Variants in AP2A2 observed in about 807,000 individuals in gnomAD.
AP2A2 encodes the protein adaptor related protein complex 2 subunit alpha 2.
A neutral mutation model predicts 104.2 loss-of-function variants in AP2A2; 32 were observed. The observed-to-expected ratio is 0.31, with a 90% confidence interval of 0.23 to 0.41. AP2A2 has a LOEUF of 0.41. AP2A2 is among the 10% of genes least tolerant of loss of function. The probability of loss-of-function intolerance (pLI) is 1.00; values close to 1 mark genes in which losing one functional copy is unlikely to be tolerated. For synonymous variants in AP2A2, 539 were observed against 533.3 expected, an observed-to-expected ratio of 1.01 and a Z score of -0.15; for missense variants, 912 against 1,261.0, an observed-to-expected ratio of 0.72 and a Z score of 4.19.
intron 4 of AP2A2, among the ~76,000 whole-genome samples, chr11:976,718 A>T (rs1440754618): frequency 6.6e-6 from 1 of 152,142 alleles, no homozygotes; most frequent in Admixed American, 6.6e-5. Context: ...GCAGGGGAAG[A>T]TCATCAAGCA....
intron 21 of AP2A2, chr11:1,010,211 G>C (rs1590027443): frequency 4.1e-6 from 2 of 492,856 alleles, no homozygotes; most frequent in African/African-American, 3.8e-5. Flanking sequence ...TTCTGGCGAC[G>C]GACACCTGTC....
chr11:977,050 C>G (rs1855067569), intron 4 of AP2A2, 45 bp from the exon 5 acceptor site: 2 of 1,611,014 alleles, frequency 1.2e-6, no homozygotes, highest in East Asian at 2.2e-5. Flanking sequence ...CAGCTCTGCG[C>G]TGTCTTCAGC....
At position 993,600 on chromosome 11, in the gene AP2A2, C is replaced by T. The variant is rs1048258886; in HGVS notation, c.1551-154C>T. 1.3e-5 allele frequency among the ~76,000 whole-genome samples: 2 copies of T among 151,968 alleles called. No homozygotes were observed. Among genetic ancestry groups the T allele is most frequent in the South Asian group, 2.1e-4 (1 of 4,806 alleles). ...TTGATGGCTGACTTAGTGAAAGGGG[C>T]GTCTTTGCGGTGGGATCTGGAGCTG... On this transcript the variant is annotated intron_variant, in intron 12 of 21. Transcript: ENST00000448903. The surrounding 1 kb of genome is among the most constrained non-coding windows in gnomAD (Gnocchi z 8.2).
In AP2A2 at chr11:968,220, G is replaced by T. The variant is rs553615002; in HGVS notation, c.137-1949G>T. Among the ~76,000 whole-genome samples, 3 of 152,234 alleles carry T rather than the reference G, an allele frequency of 2.0e-5. No homozygotes were observed. Among genetic ancestry groups the T allele is most frequent in the Non-Finnish European group, 2.9e-5 (2 of 68,048 alleles). On this transcript the variant is annotated intron_variant, in intron 2 of 21. Coordinates refer to ENST00000448903, the MANE Select transcript of AP2A2 (RefSeq NM_012305.4). The surrounding 1 kb of genome is among the most constrained non-coding windows in gnomAD (Gnocchi z 4.2). ...CCCTCACGGTGCTTATGCAACAGGGGTGGTGTGCCCAGGGGAGTGCTCTGT... is the reference window on the plus strand; with the variant it reads ...CCCTCACGGTGCTTATGCAACAGGGTTGGTGTGCCCAGGGGAGTGCTCTGT...
At chr11:973,362 T>C (rs1371486802) in intron 4 of AP2A2, among the ~76,000 whole-genome samples, 1 of 152,068 alleles carries the variant, frequency 6.6e-6, no homozygotes, top group East Asian at 1.9e-4. Flanking sequence ...CAGCCTTCTA[T>C]CAGCTGTGAG....
rs764678428 is a variant in AP2A2, at chr11:1,011,515, T to C, written c.*890T>C. The C allele has an allele frequency of 4.1e-6, 2 of 491,390 alleles. No individual in the cohort carries two copies. Among genetic ancestry groups the C allele is most frequent in the African/African-American group, 1.9e-5 (1 of 51,450 alleles). 30.4% of individuals were successfully genotyped at this position (491,390 alleles called of 1,614,324 possible). A position where few individuals can be genotyped will look rare whatever the true frequency, so the allele number is the denominator to read the frequency against. ...GGGACGCCTCTGTGTGGTCAGGAAG[T>C]GAAGGGGCCATTGGCCGCATGCCAT... On this transcript the variant is annotated 3_prime_UTR_variant, in exon 22 of 22. Transcript: ENST00000448903.
rs1330937454 is a variant in AP2A2, at chr11:994,152, C to T, written c.1863C>T (p.Pro621=). ...ILAKLKKKKG[P]STVTDLEDTK... Reference sequence around the variant, plus strand: ...CAAAGCTCAAGAAGAAGAAGGGCCCCAGCACGGTGACAGACCTGGAGGACA... The same window carrying T: ...CAAAGCTCAAGAAGAAGAAGGGCCCTAGCACGGTGACAGACCTGGAGGACA... Residue 621 remains proline, a synonymous_variant, in exon 14 of 22, where the codon CCC becomes CCT. Transcript: ENST00000448903. 6.2e-7 allele frequency: 1 copy of T among 1,613,108 alleles called. No homozygotes were observed. The highest frequency in any genetic ancestry group is 8.5e-7 in the Non-Finnish European group (1 of 1,179,842).
At chr11:996,834 C>T (rs989388663) in intron 14 of AP2A2, among the ~76,000 whole-genome samples, 3 of 152,104 alleles carry the variant, frequency 2.0e-5, no homozygotes, top group African/African-American at 7.2e-5. Context: ...CAGCTCTGTT[C>T]TGAGCTGAGA....
intron 1 of AP2A2, among the ~76,000 whole-genome samples, chr11:941,900 T>G (rs1167785177): frequency 1.3e-5 from 2 of 151,082 alleles, no homozygotes; most frequent in Non-Finnish European, 2.9e-5. Context: ...CATGCTTAAA[T>G]GAAGTAGTAA....
Position 986,942 on chromosome 11 carries a change from A to G in AP2A2, c.1120A>G (p.Asn374Asp), listed in dbSNP as rs1459335656. 2 of 1,585,234 alleles carry G rather than the reference A, an allele frequency of 1.3e-6. No individual in the cohort carries two copies. The highest frequency in any genetic ancestry group is 4.6e-5 in the East Asian group (2 of 43,282). Residue 374 changes from asparagine to aspartate, a missense_variant, in exon 9 of 22, where the codon AAC becomes GAC. Transcript: ENST00000448903. ...AVKTHIETVI[N>D]ALKTERDVSV... Reference sequence around the variant, plus strand: ...CAAGACGCACATCGAGACGGTCATCAACGCCCTGAAGGCGAGTGCCCTGTC... The same window carrying G: ...CAAGACGCACATCGAGACGGTCATCGACGCCCTGAAGGCGAGTGCCCTGTC...
intron 4 of AP2A2, among the ~76,000 whole-genome samples, chr11:972,684 C>T (rs982845800): frequency 1.2e-4 from 18 of 152,318 alleles, no homozygotes; most frequent in African/African-American, 2.9e-4. Context: ...GGCGACAGAG[C>T]GAGACCCTGT....
chr11:984,487 C>T (rs1855378288), intron 6 of AP2A2, among the ~76,000 whole-genome samples, 158 bp from the exon 7 acceptor site: 1 of 152,146 alleles, frequency 6.6e-6, no homozygotes, highest in Non-Finnish European at 1.5e-5. Flanking sequence ...ACGGCGAACC[C>T]AGGGGGTACC....
intron 1 of AP2A2, among the ~76,000 whole-genome samples, chr11:942,086 C>T (rs1589949637): frequency 6.6e-6 from 1 of 152,146 alleles, no homozygotes; most frequent in Admixed American, 6.6e-5. Context: ...ACCACCATGC[C>T]CGGCTAATTT....
At chr11:932,255 TTC>T (rs1340352193) in intron 1 of AP2A2, among the ~76,000 whole-genome samples, 1 of 152,248 alleles carries the variant, frequency 6.6e-6, no homozygotes, top group Non-Finnish European at 1.5e-5. Context: ...GCCTGGCCAT[TTC>T]TGTTAACTTT....
intron 18 of AP2A2, chr11:1,008,730 A>G (rs897787418): frequency 2.2e-5 from 7 of 312,714 alleles, no homozygotes; most frequent in Non-Finnish European, 2.4e-5. Context: ...TTAAGATTGT[A>G]TACTGTAGAA....
At chr11:1,001,852 G>T (rs1396461051) in intron 15 of AP2A2, among the ~76,000 whole-genome samples, 2 of 152,178 alleles carry the variant, frequency 1.3e-5, no homozygotes, top group Non-Finnish European at 2.9e-5. Flanking sequence ...ATTGGGTGGC[G>T]CTGTCTGCAG....
At chr11:985,620 A>C (rs200246260) in intron 8 of AP2A2, 38 bp downstream of exon 8, 2 of 1,609,942 alleles carry the variant, frequency 1.2e-6, no homozygotes, top group African/African-American at 2.7e-5. Flanking sequence ...CGTCTCGCGC[A>C]CACACACACG....
chr11:991,173 T>C (rs1212389467), intron 10 of AP2A2, among the ~76,000 whole-genome samples: 32 of 152,164 alleles, frequency 2.1e-4, no homozygotes, highest in Non-Finnish European at 1.5e-5. Context: ...GCATGGTGTT[T>C]CCCTCTGTCC....
chr11:981,007 G>T (rs1398202701), intron 5 of AP2A2, among the ~76,000 whole-genome samples, 191 bp from the exon 6 acceptor site: 1 of 152,248 alleles, frequency 6.6e-6, no homozygotes, highest in Non-Finnish European at 1.5e-5. Flanking sequence ...TTTTTAAGGA[G>T]AAGCTGGAAA....
Sources: allele counts gnomAD v4.1 joint callset (sites outside exome capture counted in the v4.1 genomes callset), GRCh38; gene constraint gnomAD v4.1.1; non-coding constraint Gnocchi (gnomAD v3.1); transcripts MANE v1.5; gene names NCBI Gene and HGNC (gene_info 2026-07-23, HGNC 2026-07-21).